Variants in SNTG1 observed in about 807,000 individuals in gnomAD.
The protein encoded by SNTG1 is syntrophin gamma 1, also known as gamma-1-syntrophin.
Under a neutral mutation model 74.7 loss-of-function variants are expected in SNTG1, and 39 were observed. The ratio of observed to expected loss-of-function variants is 0.52; its 90% CI spans 0.40 to 0.68. SNTG1 has a LOEUF of 0.68. Among genes scored for constraint, SNTG1 ranks in the 30% least tolerant of loss-of-function variants. SNTG1 has a pLI of 0.00. For missense variants in SNTG1, 685 were observed against 609.5 expected (o/e 1.12, Z -1.30); for synonymous variants, 254 against 217.1 (o/e 1.17, Z -1.49).
At chr8:49,956,573 T>C (rs1810192337) in intron 1 of SNTG1, among the ~76,000 whole-genome samples, 1 of 152,232 alleles carries the variant, frequency 6.6e-6, no homozygotes, top group South Asian at 2.1e-4. Flanking sequence ...AAAATTGTAC[T>C]TTTGTTGATT....
intron 18 of SNTG1, among the ~76,000 whole-genome samples, chr8:50,760,881 A>G (rs951095382): frequency 6.6e-6 from 1 of 152,006 alleles, no homozygotes; most frequent in African/African-American, 2.4e-5. Context: ...GCAGCAATTA[A>G]TAGCCTACCA....
intron 18 of SNTG1, among the ~76,000 whole-genome samples, chr8:50,778,812 T>C (rs1259379557): frequency 6.6e-6 from 1 of 151,618 alleles, no homozygotes; most frequent in Non-Finnish European, 1.5e-5. Flanking sequence ...GCCTAGGTTT[T>C]CTTCTAGGGT....
chr8:50,382,555 G>A (rs547585356), intron 2 of SNTG1, among the ~76,000 whole-genome samples: 2 of 152,258 alleles, frequency 1.3e-5, no homozygotes, highest in East Asian at 1.9e-4. Flanking sequence ...GCAGGAAGTA[G>A]GGTAGCTCAC....
chr8:50,193,737 T>G (rs1201922782), intron 2 of SNTG1, among the ~76,000 whole-genome samples: 1 of 152,138 alleles, frequency 6.6e-6, no homozygotes, highest in Non-Finnish European at 1.5e-5. Context: ...GAGTGCATCC[T>G]TGTTTTGTTC....
intron 2 of SNTG1, among the ~76,000 whole-genome samples, chr8:50,302,199 A>G (rs1348802606): frequency 6.6e-6 from 1 of 152,182 alleles, no homozygotes; most frequent in Admixed American, 6.5e-5. Flanking sequence ...ATGTGGAAGC[A>G]GTTTATAGGT....
chr8:50,112,199 T>G (rs1184133023), intron 1 of SNTG1, among the ~76,000 whole-genome samples: 2 of 152,124 alleles, frequency 1.3e-5, no homozygotes, highest in Non-Finnish European at 2.9e-5. Flanking sequence ...AAATTTGCAT[T>G]AAGAACATAG....
At chr8:50,469,562 C>T (rs1421550662) in intron 8 of SNTG1, among the ~76,000 whole-genome samples, 2 of 152,154 alleles carry the variant, frequency 1.3e-5, no homozygotes. Flanking sequence ...TGCCAGCCCC[C>T]ACTCCCCCAC....
intron 1 of SNTG1, among the ~76,000 whole-genome samples, chr8:49,917,988 G>A (rs536499732): frequency 8.3e-4 from 126 of 152,162 alleles, no homozygotes; most frequent in African/African-American, 2.9e-3. Context: ...TGCATGTAGC[G>A]AAACAGACTA....
intron 2 of SNTG1, among the ~76,000 whole-genome samples, chr8:50,276,093 G>A (rs1024635777): frequency 6.6e-6 from 1 of 151,874 alleles, no homozygotes; most frequent in African/African-American, 2.4e-5. Context: ...CAATACCTAC[G>A]TACCAGAGAC....
intron 1 of SNTG1, among the ~76,000 whole-genome samples, chr8:50,099,355 C>T (rs148033341): frequency 3.8e-4 from 58 of 152,068 alleles, no homozygotes; most frequent in African/African-American, 1.4e-3. Context: ...AAGACAGAAA[C>T]CAAATTTGTG....
At chr8:50,053,973 C>T (rs944276312) in intron 1 of SNTG1, among the ~76,000 whole-genome samples, 1 of 152,172 alleles carries the variant, frequency 6.6e-6, no homozygotes, top group Admixed American at 6.6e-5. Context: ...GGGACTGTGT[C>T]AGGCATCTCA....
chr8:50,050,037 C>T (rs201192682), intron 1 of SNTG1, among the ~76,000 whole-genome samples: 1 of 151,388 alleles, frequency 6.6e-6, no homozygotes, highest in African/African-American at 2.4e-5. Flanking sequence ...AATCTTTCAC[C>T]TTAGGAAACG....
intron 1 of SNTG1, among the ~76,000 whole-genome samples, chr8:50,104,046 G>GC (rs1295712410): frequency 1.2e-4 from 19 of 152,290 alleles, no homozygotes; most frequent in Non-Finnish European, 2.4e-4. Flanking sequence ...TCTCTGCCCA[G>GC]CTTTGGCATC....
intron 9 of SNTG1, among the ~76,000 whole-genome samples, chr8:50,526,251 A>G (rs563148197): frequency 1.3e-5 from 2 of 152,276 alleles, no homozygotes; most frequent in Non-Finnish European, 2.9e-5. Flanking sequence ...CACAGAAACC[A>G]GACCCTTGTG....
intron 18 of SNTG1, among the ~76,000 whole-genome samples, chr8:50,784,794 G>T (rs1215796417): frequency 1.3e-5 from 2 of 152,100 alleles, no homozygotes; most frequent in Admixed American, 6.5e-5. Context: ...AAGATCACTT[G>T]TATGTCAGGT....
Position 50,352,955 on chromosome 8 carries a change from C to T in SNTG1, c.-27-41257C>T, listed in dbSNP as rs200767492. ...ATGCTGCTATAGAGACACACACACA[C>T]GTATGTTTATTGCAGCACTATTCAC... On this transcript the variant is annotated intron_variant, in intron 2 of 18. Coordinates refer to ENST00000642720, the MANE Select transcript of SNTG1 (RefSeq NM_018967.5). Among the ~76,000 whole-genome samples the T allele has an allele frequency of 6.6e-5, 10 of 152,146 alleles. No homozygotes were observed. The East Asian group carries it at 1.4e-3, about 21-fold the overall frequency.
chr8:50,010,668 A>T (rs566003659), intron 1 of SNTG1, among the ~76,000 whole-genome samples: 16 of 150,296 alleles, frequency 1.1e-4, no homozygotes, highest in African/African-American at 3.2e-4. Flanking sequence ...ATGGTAGATT[A>T]AAAAAAAATT....
At chr8:50,240,721 T>G (rs2086127882) in intron 2 of SNTG1, among the ~76,000 whole-genome samples, 1 of 152,166 alleles carries the variant, frequency 6.6e-6, no homozygotes, top group Admixed American at 6.5e-5. Flanking sequence ...CTCTGACTCA[T>G]TCCCTCACCC....
intron 1 of SNTG1, among the ~76,000 whole-genome samples, chr8:49,939,418 C>A (rs1269527093): frequency 1.3e-5 from 2 of 152,198 alleles, no homozygotes; most frequent in East Asian, 3.8e-4. Context: ...AGTATACACA[C>A]CACAAATGCT....
Sources: allele counts gnomAD v4.1 joint callset (sites outside exome capture counted in the v4.1 genomes callset), GRCh38; gene constraint gnomAD v4.1.1; transcripts MANE v1.5; gene names NCBI Gene and HGNC (gene_info 2026-07-23, HGNC 2026-07-21).